The following PRKAR2B variants were observed in gnomAD, a reference collection of about 807,000 sequenced individuals.
The protein encoded by PRKAR2B is cAMP-dependent protein kinase type II-beta regulatory subunit.
Under a neutral mutation model 49.9 loss-of-function variants are expected in PRKAR2B, and 14 were observed. That is an observed-to-expected ratio of 0.28 (90% CI 0.19 to 0.44). The LOEUF is 0.44. PRKAR2B is among the 20% of genes least tolerant of loss of function. The pLI, the probability that PRKAR2B is intolerant of heterozygous loss-of-function variation, is 1.00. For missense variants in PRKAR2B, 393 were observed against 537.9 expected (o/e 0.73, Z 2.67); for synonymous variants, 196 against 197.7 (o/e 0.99, Z 0.07).
intron 7 of PRKAR2B, among the ~76,000 whole-genome samples, chr7:107,152,247 C>G (rs1277651150): frequency 6.6e-6 from 1 of 152,208 alleles, no homozygotes; most frequent in Non-Finnish European, 1.5e-5. Flanking sequence ...AGGCTCTGCA[C>G]AGACTGTCCC....
intron 1 of PRKAR2B, among the ~76,000 whole-genome samples, chr7:107,064,770 T>C (rs1013121051): frequency 7.9e-5 from 12 of 152,212 alleles, no homozygotes; most frequent in Admixed American, 2.0e-4. Flanking sequence ...TATCTCTGAG[T>C]ATTAATAATT....
chr7:107,130,963 A>G (rs1312459511), intron 4 of PRKAR2B, among the ~76,000 whole-genome samples: 1 of 152,180 alleles, frequency 6.6e-6, no homozygotes, highest in Admixed American at 6.5e-5. Flanking sequence ...CTGATGTATC[A>G]TCAGGGGATC....
chr7:107,064,272 GT>G (rs1278613139), intron 1 of PRKAR2B, among the ~76,000 whole-genome samples: 3 of 152,102 alleles, frequency 2.0e-5, no homozygotes, highest in African/African-American at 4.8e-5. Flanking sequence ...GCAAAAATAT[GT>G]TTTTTTCTAA....
intron 2 of PRKAR2B, among the ~76,000 whole-genome samples, chr7:107,092,245 T>TTG (rs34502492): frequency 0.43 from 63,098 of 148,182 alleles, 13,996 homozygotes; most frequent in Admixed American, 0.5. Flanking sequence ...AACCATTAAG[T>TTG]TGTGTGTGTG....
chr7:107,073,227 G>A (rs1000635290), intron 2 of PRKAR2B, among the ~76,000 whole-genome samples: 1 of 152,060 alleles, frequency 6.6e-6, no homozygotes, highest in Non-Finnish European at 1.5e-5. Flanking sequence ...TGTTATGAAG[G>A]TGAGAGGAAT....
At chr7:107,072,811 T>G (rs190364012) in intron 2 of PRKAR2B, among the ~76,000 whole-genome samples, 17 of 152,308 alleles carry the variant, frequency 1.1e-4, no homozygotes, top group African/African-American at 4.1e-4. Flanking sequence ...TTATGATACC[T>G]TTTCTGATTG....
Position 107,044,870 on chromosome 7 carries a change from G to A in PRKAR2B, c.-38G>A. The A allele has an allele frequency of 6.5e-6, 10 of 1,543,082 alleles. No homozygotes were observed. The highest frequency in any genetic ancestry group is 1.9e-5 in the Admixed American group (1 of 52,198). On this transcript the variant is annotated 5_prime_UTR_variant, in exon 1 of 11. Transcript: ENST00000265717. ...CCCTAGGCCGTGCCGGGGAGGGGGCGAGGGCGGCGCCCAGGCGCCTGCCGC... is the reference window on the plus strand; with the variant it reads ...CCCTAGGCCGTGCCGGGGAGGGGGCAAGGGCGGCGCCCAGGCGCCTGCCGC...
At chr7:107,099,140 C>G (rs1794906375) in intron 2 of PRKAR2B, among the ~76,000 whole-genome samples, 1 of 152,184 alleles carries the variant, frequency 6.6e-6, no homozygotes, top group Non-Finnish European at 1.5e-5. Flanking sequence ...GCAGGCAGGC[C>G]TCCTTGAGCT....
chr7:107,115,848 G>A (rs1463607939), intron 2 of PRKAR2B, among the ~76,000 whole-genome samples: 1 of 152,162 alleles, frequency 6.6e-6, no homozygotes, highest in African/African-American at 2.4e-5. Flanking sequence ...AATGCAATGT[G>A]ATATATATTC....
At chr7:107,155,743 AACCCATTACTGGGTATAT>A (rs1231234680) in intron 8 of PRKAR2B, among the ~76,000 whole-genome samples, 1 of 152,094 alleles carries the variant, frequency 6.6e-6, no homozygotes, top group African/African-American at 2.4e-5. Context: ...TGACCCAGAA[AACCCATTACTGGGTATAT>A]ACCCAAAGGA....
intron 2 of PRKAR2B, among the ~76,000 whole-genome samples, chr7:107,084,854 T>C (rs1477907255): frequency 6.6e-6 from 1 of 152,006 alleles, no homozygotes; most frequent in Non-Finnish European, 1.5e-5. Flanking sequence ...CTCGATCTCC[T>C]GACCTGGTGA....
rs77784383 is a variant in PRKAR2B, at chr7:107,134,991, A to G, written c.481-5856A>G. The stretch of plus-strand genomic sequence containing the variant: ...AAAAGATAAATAGGACTTCACACAG[A>G]TGTAACATTTTTGTACATCAAAGGA... On this transcript the variant is annotated intron_variant, in intron 4 of 10. Transcript: ENST00000265717. Among the ~76,000 whole-genome samples, 574 of 152,302 alleles carry G rather than the reference A, an allele frequency of 3.8e-3. 4 individuals carry two copies. The highest frequency in any genetic ancestry group is 0.013 in the African/African-American group (561 of 41,570).
chr7:107,045,481 C>T (rs1488319711), intron 1 of PRKAR2B, among the ~76,000 whole-genome samples: 3 of 152,232 alleles, frequency 2.0e-5, no homozygotes, highest in Non-Finnish European at 4.4e-5. Flanking sequence ...TTACCCTTTG[C>T]CCCCTCTGCC....
At chr7:107,096,761 A>G (rs1484420048) in intron 2 of PRKAR2B, among the ~76,000 whole-genome samples, 1 of 152,004 alleles carries the variant, frequency 6.6e-6, no homozygotes, top group Non-Finnish European at 1.5e-5. Flanking sequence ...CCATTTCGTT[A>G]TGTGTACCCA....
chr7:107,062,520 G>T (rs917671053), intron 1 of PRKAR2B, among the ~76,000 whole-genome samples: 2 of 152,180 alleles, frequency 1.3e-5, no homozygotes, highest in Admixed American at 6.5e-5. Context: ...CTAAACTACA[G>T]TGGTAGAAAT....
chr7:107,107,124 G>GT (rs1795086432), intron 2 of PRKAR2B, among the ~76,000 whole-genome samples: 1 of 152,170 alleles, frequency 6.6e-6, no homozygotes, highest in African/African-American at 2.4e-5. Context: ...ATCACCTGAG[G>GT]TCAGGAGTTC....
chr7:107,098,902 C>G (rs979138418), intron 2 of PRKAR2B, among the ~76,000 whole-genome samples: 6 of 152,178 alleles, frequency 3.9e-5, no homozygotes, highest in Non-Finnish European at 5.9e-5. Context: ...GGGCACCCAG[C>G]TGTATGAGGT....
At chr7:107,106,274 C>T (rs1223305252) in intron 2 of PRKAR2B, among the ~76,000 whole-genome samples, 1 of 152,216 alleles carries the variant, frequency 6.6e-6, no homozygotes, top group African/African-American at 2.4e-5. Flanking sequence ...GGGAACCCCT[C>T]TGGTAATCCC....
intron 10 of PRKAR2B, 27 bp downstream of exon 10, chr7:107,157,351 T>C (rs1163199612): frequency 6.3e-7 from 1 of 1,595,982 alleles, no homozygotes; most frequent in Non-Finnish European, 8.5e-7. Flanking sequence ...TGGGCGTGCT[T>C]CTGCTGGTTG....
Sources: allele counts gnomAD v4.1 joint callset (sites outside exome capture counted in the v4.1 genomes callset), GRCh38; gene constraint gnomAD v4.1.1; transcripts MANE v1.5; gene names NCBI Gene and HGNC (gene_info 2026-07-23, HGNC 2026-07-21).